Variants in TMEM255A observed in about 807,000 individuals in gnomAD.
The protein encoded by TMEM255A is family with sequence similarity 70, member A.
A neutral mutation model predicts 23.5 loss-of-function variants in TMEM255A; 14 were observed. The ratio of observed to expected loss-of-function variants is 0.60; its 90% CI spans 0.39 to 0.93. TMEM255A has a LOEUF of 0.93. Ranked by LOEUF, TMEM255A falls within the 40% of genes least tolerant of loss-of-function variation. The pLI is 0.00. For missense variants in TMEM255A, 233 were observed against 261.7 expected (o/e 0.89, Z 0.76); for synonymous variants, 104 against 100.3 (o/e 1.04, Z -0.22).
chrX:120,300,050 A>C (rs1190417988), intron 2 of TMEM255A, among the ~76,000 whole-genome samples: 7 of 111,976 alleles, frequency 6.3e-5, no homozygotes, highest in African/African-American at 2.3e-4. Flanking sequence ...ATGCGCCCTA[A>C]TAGTATCAAT....
At position 120,260,491 on chromosome X, in the gene TMEM255A, A is replaced by C. The variant is rs782731762; in HGVS notation, c.*379T>G. On this transcript the variant is annotated 3_prime_UTR_variant, in exon 9 of 9. Coordinates refer to ENST00000371369, the MANE Select transcript of TMEM255A (RefSeq NM_001104544.3). ...TAGGGCCTATAAACCAGGTGCTTCA[A>C]CCTAGGTGCTGGGGTGGCAATCTGC... is the stretch of plus-strand genomic sequence containing the variant. The C allele has an allele frequency of 7.5e-6, 1 of 133,249 alleles. No individual in the cohort carries two copies. Among genetic ancestry groups the C allele is most frequent in the Non-Finnish European group, 1.5e-5 (1 of 68,266 alleles). The allele number at this position is 133,249 out of a possible 1,213,427, so 11.0% of individuals were successfully genotyped here. A position where few individuals can be genotyped will look rare whatever the true frequency, so the allele number is the denominator to read the frequency against.
chrX:120,309,312 C>T (rs1556027746), intron 1 of TMEM255A, among the ~76,000 whole-genome samples: 1 of 113,331 alleles, frequency 8.8e-6, no homozygotes, highest in Non-Finnish European at 1.9e-5. Context: ...GGGCGAAGCC[C>T]ACTCAGCTGT....
intron 2 of TMEM255A, among the ~76,000 whole-genome samples, chrX:120,298,877 T>TAG (rs60873568): frequency 0.17 from 16,090 of 97,415 alleles, 1,219 homozygotes; most frequent in East Asian, 0.27. Context: ...ACAGAGCACC[T>TAG]AGAGAGAGAG....
At position 120,304,591 on chromosome X, in the gene TMEM255A, C is replaced by T. The variant is rs146524260; in HGVS notation, c.59-100G>A. 3.7e-5 allele frequency: 34 copies of T among 922,853 alleles called. 1 individual carries two copies. Among genetic ancestry groups the T allele is most frequent in the African/African-American group, 1.2e-4 (6 of 50,339 alleles). 76.1% of individuals were successfully genotyped at this position (922,853 alleles called of 1,213,427 possible). On this transcript the variant is annotated intron_variant, in intron 1 of 8. Transcript: ENST00000371369. ...GAAGGTTTTCCTTTCCTATTCCTACCGGTAACTGAAGTTATCTTTGGTGGT... is the reference window on the plus strand; with the variant it reads ...GAAGGTTTTCCTTTCCTATTCCTACTGGTAACTGAAGTTATCTTTGGTGGT...
chrX:120,267,207 CACA>C (rs1416699587), intron 8 of TMEM255A, among the ~76,000 whole-genome samples: 1 of 112,145 alleles, frequency 8.9e-6, no homozygotes, highest in Admixed American at 9.4e-5. Context: ...CTAAACCAAC[CACA>C]ACAACACTTT....
intron 8 of TMEM255A, among the ~76,000 whole-genome samples, chrX:120,263,497 G>T (rs782721137): frequency 1.3e-4 from 14 of 111,536 alleles, no homozygotes; most frequent in Non-Finnish European, 2.6e-4. Flanking sequence ...CTGCCTGATG[G>T]CTGACCCACA....
At position 120,260,572 on chromosome X, in the gene TMEM255A, T is replaced by G. The variant is rs2057670991; in HGVS notation, c.*298A>C. The G allele has an allele frequency of 4.5e-6, 1 of 223,314 alleles. No homozygotes were observed. The highest frequency in any genetic ancestry group is 7.9e-6 in the Non-Finnish European group (1 of 127,042). The allele number at this position is 223,314 out of a possible 1,213,427, so 18.4% of individuals were successfully genotyped here. ...AAAGTGAAAAAGATGGCAACCACAC[T>G]TCTGCTGAATACAGAGGTGGAGCAT... On this transcript the variant is annotated 3_prime_UTR_variant, in exon 9 of 9. Transcript: ENST00000371369.
intron 2 of TMEM255A, among the ~76,000 whole-genome samples, chrX:120,299,474 T>C (rs2058019950): frequency 9.1e-6 from 1 of 110,489 alleles, no homozygotes; most frequent in African/African-American, 3.3e-5. Context: ...CCACCACACC[T>C]GGCTAATTTT....
intron 6 of TMEM255A, among the ~76,000 whole-genome samples, chrX:120,284,536 GCACA>G (rs199505538): frequency 1.5e-4 from 16 of 104,750 alleles, no homozygotes; most frequent in Admixed American, 3.0e-4. Flanking sequence ...GCACGTGCAC[GCACA>G]CACACACACA....
At chrX:120,298,163 G>A in intron 2 of TMEM255A, among the ~76,000 whole-genome samples, 1 of 110,978 alleles carries the variant, frequency 9.0e-6, no homozygotes, top group Non-Finnish European at 1.9e-5. Context: ...TTTTGAGGCT[G>A]GACTCTTGTC....
chrX:120,270,287 GTGTGTGTTTGTGTGTGTGTGTGTGTA>G (rs2147184147), intron 7 of TMEM255A, among the ~76,000 whole-genome samples: 1 of 108,472 alleles, frequency 9.2e-6, no homozygotes, highest in East Asian at 2.8e-4. Flanking sequence ...ACGTATAGGA[GTGTGTGTTTGTGTGTGTGTGTGTGTA>G]TGTGTATTTC....
intron 1 of TMEM255A, among the ~76,000 whole-genome samples, chrX:120,310,618 G>A (rs1015201460): frequency 3.6e-5 from 4 of 110,038 alleles, no homozygotes; most frequent in African/African-American, 1.3e-4. Flanking sequence ...TGTTGATCCC[G>A]CCGCTGCAGA....
chrX:120,304,642 G>T, intron 1 of TMEM255A, 151 bp from the exon 2 acceptor site: 1 of 504,538 alleles, frequency 2.0e-6, no homozygotes, highest in Non-Finnish European at 3.2e-6. Flanking sequence ...GTGGGGAAGG[G>T]ATAGAGCATT....
chrX:120,296,242 T>C (rs1398400437), intron 2 of TMEM255A, among the ~76,000 whole-genome samples: 3 of 111,348 alleles, frequency 2.7e-5, no homozygotes, highest in African/African-American at 9.8e-5. Flanking sequence ...TCATATTCTC[T>C]CATGGCAAAT....
chrX:120,261,681 G>A (rs1355341781), intron 8 of TMEM255A, among the ~76,000 whole-genome samples: 1 of 112,211 alleles, frequency 8.9e-6, no homozygotes, highest in Non-Finnish European at 1.9e-5. Context: ...TGAGAATGAG[G>A]AGCAATATGT....
intron 4 of TMEM255A, among the ~76,000 whole-genome samples, chrX:120,290,482 G>A (rs2057907363): frequency 8.9e-6 from 1 of 112,317 alleles, no homozygotes; most frequent in South Asian, 3.7e-4. Context: ...TATTAAGATG[G>A]CTTCTGTTGA....
chrX:120,284,698 T>G (rs782548603), intron 6 of TMEM255A, among the ~76,000 whole-genome samples: 1 of 111,606 alleles, frequency 9.0e-6, no homozygotes, highest in Non-Finnish European at 1.9e-5. Flanking sequence ...ACTTCTGTTT[T>G]GTTGGCTGCT....
At chrX:120,296,111 C>T (rs952704598) in intron 2 of TMEM255A, among the ~76,000 whole-genome samples, 1 of 111,966 alleles carries the variant, frequency 8.9e-6, no homozygotes, top group Non-Finnish European at 1.9e-5. Context: ...CAGCTTCTTA[C>T]GGGAAAAATA....
At chrX:120,288,532 G>C (rs1556022276) in intron 4 of TMEM255A, among the ~76,000 whole-genome samples, 1 of 112,365 alleles carries the variant, frequency 8.9e-6, no homozygotes, top group African/African-American at 3.2e-5. Flanking sequence ...TTTGCAAAAA[G>C]CATTCAGGCA....
Sources: gnomAD v4.1 joint callset for allele counts (sites outside exome capture counted in the v4.1 genomes callset) on GRCh38, gnomAD v4.1.1 for gene constraint, MANE v1.5 for transcripts, NCBI Gene and HGNC (gene_info 2026-07-23, HGNC 2026-07-21) for gene names.